The following TARP variants were observed in gnomAD, a reference collection of about 807,000 sequenced individuals.
chr7:38,261,372 C>T, the TARP span, among the ~76,000 whole-genome samples: 14 of 151,616 alleles, frequency 9.2e-5, no homozygotes, highest in Admixed American at 7.2e-4. Context: ...TTTAAAGGGA[C>T]TGTAAATTGG....
At chr7:38,266,475 AT>A in the TARP span, among the ~76,000 whole-genome samples, 2 of 151,470 alleles carry the variant, frequency 1.3e-5, no homozygotes, top group South Asian at 4.2e-4. Flanking sequence ...CCTGGCTAAT[AT>A]TTTTTTTCTA....
the TARP span, chr7:38,262,024 C>G: frequency 2.8e-6 from 2 of 715,800 alleles, no homozygotes; most frequent in Non-Finnish European, 4.9e-6. Context: ...TTTGTTAATA[C>G]AACTCCTAGA....
chr7:38,266,987 T>C, the TARP span, among the ~76,000 whole-genome samples: 11 of 151,850 alleles, frequency 7.2e-5, no homozygotes, highest in African/African-American at 2.7e-4. Flanking sequence ...ACATTTTATT[T>C]TGGAATTTCA....
the TARP span, among the ~76,000 whole-genome samples, chr7:38,270,834 A>T: frequency 6.7e-6 from 1 of 150,146 alleles, no homozygotes; most frequent in Admixed American, 6.7e-5. Flanking sequence ...CATTCCTTTC[A>T]TTTTCCAAAA....
At chr7:38,262,202 A>T in the TARP span, 1 of 1,612,156 alleles carries the variant, frequency 6.2e-7, no homozygotes, top group Non-Finnish European at 8.5e-7. Flanking sequence ...TGTCTTTGGG[A>T]TCCATTGTGA....
the TARP span, chr7:38,262,027 C>G: frequency 1.4e-6 from 1 of 724,962 alleles, no homozygotes; most frequent in South Asian, 1.7e-5. Flanking sequence ...GTTAATACAA[C>G]TCCTAGAAAA....
chr7:38,272,690 A>G, the TARP span, among the ~76,000 whole-genome samples: 1 of 150,110 alleles, frequency 6.7e-6, no homozygotes, highest in East Asian at 1.9e-4. Flanking sequence ...ATCAAAATAC[A>G]CTTCCTAAAA....
the TARP span, among the ~76,000 whole-genome samples, chr7:38,261,596 C>G: frequency 1.3e-5 from 2 of 151,520 alleles, no homozygotes; most frequent in South Asian, 4.2e-4. Context: ...GACAGGAGGC[C>G]GGGCACAGTG....
the TARP span, among the ~76,000 whole-genome samples, chr7:38,270,224 T>C: frequency 6.6e-6 from 1 of 152,040 alleles, no homozygotes; most frequent in Non-Finnish European, 1.5e-5. Context: ...GGACCAAGCA[T>C]TGCCCTTACT....
the TARP span, among the ~76,000 whole-genome samples, chr7:38,264,605 C>T: frequency 6.7e-6 from 1 of 150,158 alleles, no homozygotes; most frequent in East Asian, 2.0e-4. Context: ...AAAAAAAAGA[C>T]TTTTTACTTT....
chr7:38,266,346 G>A, the TARP span, among the ~76,000 whole-genome samples: 10 of 151,194 alleles, frequency 6.6e-5, no homozygotes, highest in South Asian at 4.2e-4. Flanking sequence ...TTGCTCTGTC[G>A]TCCAGGTTGG....
the TARP span, among the ~76,000 whole-genome samples, chr7:38,271,959 C>G: frequency 6.6e-6 from 1 of 150,950 alleles, no homozygotes; most frequent in Non-Finnish European, 1.5e-5. Context: ...ACCTGTAGCC[C>G]TATAAATTTA....
At chr7:38,262,090 C>G in the TARP span, 1 of 1,236,834 alleles carries the variant, frequency 8.1e-7, no homozygotes, top group East Asian at 2.3e-5. Flanking sequence ...TCCAACCTAG[C>G]AAAATCCATT....
the TARP span, among the ~76,000 whole-genome samples, chr7:38,266,454 G>A: frequency 1.3e-5 from 2 of 151,788 alleles, no homozygotes; most frequent in Non-Finnish European, 1.5e-5. Context: ...CTACAGGTAT[G>A]CATCACCATG....
At chr7:38,273,469 C>T in the TARP span, 7 of 843,278 alleles carry the variant, frequency 8.3e-6, no homozygotes, top group East Asian at 1.5e-4. Context: ...GTCACCTGAC[C>T]TCTCTGGAGA....
At chr7:38,263,762 T>C in the TARP span, among the ~76,000 whole-genome samples, 1 of 151,902 alleles carries the variant, frequency 6.6e-6, no homozygotes, top group Non-Finnish European at 1.5e-5. Context: ...TTCTTGTCTA[T>C]ACGGATATGA....
At chr7:38,269,468 T>A in the TARP span, 1 of 723,204 alleles carries the variant, frequency 1.4e-6, no homozygotes, top group South Asian at 1.5e-5. Context: ...ACCTTGGAAA[T>A]GTTGTATTCT....
chr7:38,263,803 G>T, the TARP span, among the ~76,000 whole-genome samples: 681 of 151,914 alleles, frequency 4.5e-3, 4 homozygotes, highest in Admixed American at 7.6e-3. Context: ...CACTCACTGA[G>T]ATCTTTATTT....
At chr7:38,268,229 T>C in the TARP span, among the ~76,000 whole-genome samples, 1 of 151,452 alleles carries the variant, frequency 6.6e-6, no homozygotes, top group East Asian at 1.9e-4. Flanking sequence ...ATTTATTTTA[T>C]TGTTGGATTC....
Sources: gnomAD v4.1 joint callset for allele counts (sites outside exome capture counted in the v4.1 genomes callset) on GRCh38, gnomAD v4.1.1 for gene constraint, MANE v1.5 for transcripts.